Variants in DEPDC4 observed in about 807,000 individuals in gnomAD.
The protein encoded by DEPDC4 is DEP domain containing 4, also known as DEP domain-containing protein 4.
Under a neutral mutation model 52.0 loss-of-function variants are expected in DEPDC4, and 52 were observed. That is an observed-to-expected ratio of 1.00 (90% confidence interval 0.80 to 1.26). The LOEUF (loss-of-function observed/expected upper bound fraction) is 1.26. Among genes scored for constraint, DEPDC4 ranks in the 50% most tolerant of loss-of-function variants. The pLI is 0.00. For synonymous variants in DEPDC4, 201 were observed against 196.8 expected (o/e 1.02, Z -0.18); for missense variants, 530 against 546.9 (o/e 0.97, Z 0.31).
chr12:100,243,263 C>T (rs1309948468), intron 8 of DEPDC4, among the ~76,000 whole-genome samples: 9 of 151,952 alleles, frequency 5.9e-5, no homozygotes, highest in African/African-American at 1.2e-4. Flanking sequence ...AAAAAAATAC[C>T]GTCTAATCGG....
downstream of DEPDC4, chr12:100,238,195 G>A: frequency 4.2e-6 from 1 of 238,070 alleles, no homozygotes; most frequent in Non-Finnish European, 6.3e-6. Flanking sequence ...TTTTTTTTTT[G>A]ACAGAGTCTC....
At chr12:100,266,307 C>T (rs1592913249) in intron 1 of DEPDC4, among the ~76,000 whole-genome samples, 2 of 152,100 alleles carry the variant, frequency 1.3e-5, no homozygotes, top group African/African-American at 4.8e-5. Context: ...CAGAAGTTAC[C>T]CGTCTAATCA....
chr12:100,234,063 C>T (rs1276200879), intron 9 of DEPDC4, among the ~76,000 whole-genome samples: 3 of 152,096 alleles, frequency 2.0e-5, no homozygotes, highest in Non-Finnish European at 2.9e-5. Context: ...GCCATGATTA[C>T]ACCACTGCAC....
At chr12:100,272,323 A>G in the DEPDC4 span, among the ~76,000 whole-genome samples, 2 of 152,334 alleles carry the variant, frequency 1.3e-5, no homozygotes, top group East Asian at 3.8e-4. Context: ...AAGAAAAGGT[A>G]TTTGGACTCT....
intron 3 of DEPDC4, among the ~76,000 whole-genome samples, chr12:100,260,240 C>T (rs540784797): frequency 6.6e-6 from 1 of 151,984 alleles, no homozygotes. Flanking sequence ...CATGCCTCAG[C>T]CTCCAGAGTA....
chr12:100,253,613 C>G lies in DEPDC4; in HGVS notation c.981G>C (p.Glu327Asp), dbSNP rs1482459937. 7 of 1,289,236 alleles carry G rather than the reference C, an allele frequency of 5.4e-6. No homozygotes were observed. Among genetic ancestry groups the G allele is most frequent in the Non-Finnish European group, 7.1e-6 (7 of 988,620 alleles). The allele number at this position is 1,289,236 out of a possible 1,614,324, so 79.9% of individuals were successfully genotyped here. A position where few individuals can be genotyped will look rare whatever the true frequency, so the allele number is the denominator to read the frequency against. Residue 327 changes from glutamate to aspartate, a missense_variant, in exon 5 of 10, where the codon GAG becomes GAC. Glu to Asp is a conservative substitution (Grantham distance 45). Coordinates refer to ENST00000550587, the MANE Select transcript of DEPDC4 (RefSeq NM_001364818.2). ...TCTTCTTCTGACTGTTCAATCTTGT[C>G]TCTTCATTTCTGTTTTGCATTAACT... ...SQQLMQNRNE[E>D]TRLNSQKKIL...
chr12:100,250,013 C>T (rs932045704), intron 7 of DEPDC4, among the ~76,000 whole-genome samples: 2 of 152,056 alleles, frequency 1.3e-5, no homozygotes, highest in East Asian at 1.9e-4. Flanking sequence ...GGGACAGCCC[C>T]GTAACAGGAA....
At chr12:100,256,923 G>C (rs989383376) in intron 3 of DEPDC4, among the ~76,000 whole-genome samples, 4 of 152,006 alleles carry the variant, frequency 2.6e-5, no homozygotes, top group African/African-American at 9.7e-5. Flanking sequence ...TTACAGGCGT[G>C]AGTCACTGCG....
intron 1 of DEPDC4, 43 bp downstream of exon 1, chr12:100,266,877 C>T (rs369356497): frequency 1.3e-6 from 2 of 1,589,306 alleles, no homozygotes; most frequent in Middle Eastern, 1.7e-4. Context: ...TCAGCTGCCC[C>T]CTCCACCTTC....
downstream of DEPDC4, among the ~76,000 whole-genome samples, chr12:100,237,110 G>T (rs1443812891): frequency 1.3e-5 from 2 of 151,964 alleles, no homozygotes; most frequent in Non-Finnish European, 2.9e-5. Flanking sequence ...TTAAAATCAG[G>T]TACTGTGATG....
In DEPDC4 at chr12:100,267,000, T is replaced by C. The variant is rs1197700492; in HGVS notation, c.77A>G (p.Gln26Arg). ...LTPRFRRLVS[Q>R]NELPGPGLNG... ...CAGCCCTGGGCCCGGAAGCTCGTTC[T>C]GACTGACAAGTCTACGGAACCTCGG... The change falls in exon 1 of 10, where the codon CAG becomes CGG. Residue 26 changes from glutamine (Q) to arginine (R), a missense_variant. Coordinates refer to ENST00000550587, the MANE Select transcript of DEPDC4 (RefSeq NM_001364818.2). The C allele has an allele frequency of 1.2e-6, 2 of 1,614,160 alleles. No individual in the cohort carries two copies. Among genetic ancestry groups the C allele is most frequent in the Admixed American group, 1.7e-5 (1 of 60,006 alleles).
At chr12:100,261,623 G>A (rs142267897) in intron 3 of DEPDC4, 18 of 438,908 alleles carry the variant, frequency 4.1e-5, no homozygotes, top group Non-Finnish European at 7.3e-5. Flanking sequence ...GGACTGTGGT[G>A]AGTCCGTATG....
At chr12:100,274,535 T>C in the DEPDC4 span, among the ~76,000 whole-genome samples, 1 of 152,214 alleles carries the variant, frequency 6.6e-6, no homozygotes, top group African/African-American at 2.4e-5. Flanking sequence ...AGGTACAGCC[T>C]CCTTTAGTAT....
chr12:100,276,708 T>G, the DEPDC4 span, among the ~76,000 whole-genome samples: 1 of 152,134 alleles, frequency 6.6e-6, no homozygotes, highest in Non-Finnish European at 1.5e-5. Flanking sequence ...TTTTTTTACT[T>G]CATTGGATTT....
Position 100,256,074 on chromosome 12 carries a change from G to GC in DEPDC4, c.852_853insG (p.Leu285AlafsTer9). 6.2e-7 allele frequency: 1 copy of GC among 1,608,644 alleles called. No homozygotes were observed. The highest frequency in any genetic ancestry group is 8.5e-7 in the Non-Finnish European group (1 of 1,177,588). ...TCAGGTAGACATAAGCTTGGAATAA[G>GC]TTCTCTGTCTAGGCAAGTGTTAGTG... On this transcript the variant is annotated frameshift_variant, in exon 4 of 10. Coordinates refer to ENST00000550587, the MANE Select transcript of DEPDC4 (RefSeq NM_001364818.2). LOFTEE classifies it high-confidence loss of function.
chr12:100,239,627 C>A (rs1592863867), downstream of DEPDC4, among the ~76,000 whole-genome samples: 2 of 151,748 alleles, frequency 1.3e-5, no homozygotes. Context: ...TCAAGCAATT[C>A]TCCTGCATTG....
chr12:100,261,153 C>G (rs916679153), intron 3 of DEPDC4, among the ~76,000 whole-genome samples: 2 of 151,068 alleles, frequency 1.3e-5, no homozygotes, highest in Admixed American at 6.6e-5. Context: ...TGCACTCCAG[C>G]CTGGGCAACA....
chr12:100,272,570 A>G, the DEPDC4 span, among the ~76,000 whole-genome samples: 1 of 152,148 alleles, frequency 6.6e-6, no homozygotes, highest in Non-Finnish European at 1.5e-5. Flanking sequence ...CTAAAAACCT[A>G]TTAGATATCT....
chr12:100,241,861 AAAAAC>A lies in DEPDC4; in HGVS notation c.*47-21_*47-17del, dbSNP rs1451674312. On this transcript the variant is annotated splice_polypyrimidine_tract_variant and intron_variant, in intron 9 of 9. Transcript: ENST00000550587. ...AACGTAAAGCCTGGAAAAAAAAAAA[AAAAAC>A]AAAAGAAAAAGAAAAGTACCACTGG... is the stretch of plus-strand genomic sequence containing the variant. 241 of 1,199,574 alleles carry A rather than the reference AAAAAC, an allele frequency of 2.0e-4. No homozygotes were observed. The highest frequency in any genetic ancestry group is 2.4e-4 in the Non-Finnish European group (226 of 950,604). 74.3% of individuals were successfully genotyped at this position (1,199,574 alleles called of 1,614,324 possible).
Sources: gnomAD v4.1 joint callset for allele counts (sites outside exome capture counted in the v4.1 genomes callset) on GRCh38, gnomAD v4.1.1 for gene constraint, MANE v1.5 for transcripts, NCBI Gene and HGNC (gene_info 2026-07-23, HGNC 2026-07-21) for gene names.